The following COL5A1 variants were observed in gnomAD, a reference collection of about 807,000 sequenced individuals.
COL5A1 encodes the protein collagen alpha-1(V) chain.
Under a neutral mutation model 263.7 loss-of-function variants are expected in COL5A1, and 16 were observed. The observed-to-expected ratio is 0.06, with a 90% CI of 0.04 to 0.09. The LOEUF is 0.09. Among genes scored for constraint, COL5A1 ranks in the 10% least tolerant of loss-of-function variants. COL5A1 has a pLI of 1.00. For missense variants in COL5A1, 2,036 were observed against 2,540.5 expected, an observed-to-expected ratio of 0.80 and a Z score of 4.27; for synonymous variants, 1,012 against 1,004.5, an observed-to-expected ratio of 1.01 and a Z score of -0.14.
At chr9:134,710,196 C>A (rs760037506) in intron 4 of COL5A1, among the ~76,000 whole-genome samples, 1 of 152,204 alleles carries the variant, frequency 6.6e-6, no homozygotes, top group African/African-American at 2.4e-5. Flanking sequence ...AAAGCCGGTG[C>A]GGCCCGCCCC....
At chr9:134,788,684 G>T (rs1027410894) in intron 31 of COL5A1, among the ~76,000 whole-genome samples, 1 of 149,008 alleles carries the variant, frequency 6.7e-6, no homozygotes, top group African/African-American at 2.6e-5. Flanking sequence ...TGGATAGACA[G>T]ATAGGTGGGC....
At position 134,766,462 on chromosome 9, in the gene COL5A1, G is replaced by T. The variant is rs368590323; in HGVS notation, c.2097G>T (p.Thr699=). 1 of 1,614,144 alleles carries T rather than the reference G, an allele frequency of 6.2e-7. No homozygotes were observed. ...CTTAAAATCGTACACAGGGTGTCAC[G>T]GGTATGGACGGCCAGCCGGGGCCAA... is the stretch of plus-strand genomic sequence containing the variant. The part of the protein sequence containing the change: ...PPGPPGPPGV[T]GMDGQPGPKG... The change falls in exon 22 of 66, where the codon ACG becomes ACT. Residue 699 remains threonine, a synonymous_variant. Transcript: ENST00000371817.
intron 18 of COL5A1, among the ~76,000 whole-genome samples, chr9:134,760,633 C>T (rs1196057784): frequency 2.6e-5 from 3 of 116,788 alleles, no homozygotes; most frequent in African/African-American, 1.2e-4. Flanking sequence ...CCACACACCC[C>T]CACACTCATA....
intron 19 of COL5A1, 148 bp from the exon 20 acceptor site, chr9:134,763,545 C>T: frequency 1.2e-6 from 1 of 819,124 alleles, no homozygotes; most frequent in Non-Finnish European, 2.1e-6. Context: ...CGAGGACATT[C>T]CAGGCCTTTC....
At chr9:134,687,320 C>G (rs548307585) in intron 1 of COL5A1, among the ~76,000 whole-genome samples, 1 of 152,304 alleles carries the variant, frequency 6.6e-6, no homozygotes, top group Non-Finnish European at 1.5e-5. Flanking sequence ...TAGTTTTTAG[C>G]TCCCCAGACT....
intron 31 of COL5A1, among the ~76,000 whole-genome samples, chr9:134,787,223 C>T (rs1837492930): frequency 6.6e-6 from 1 of 152,164 alleles, no homozygotes. Flanking sequence ...AAATCAAGTC[C>T]AGGCAACTTT....
chr9:134,735,225 A>T (rs949142352), intron 9 of COL5A1, among the ~76,000 whole-genome samples: 1 of 143,106 alleles, frequency 7.0e-6, no homozygotes, highest in Non-Finnish European at 1.5e-5. Context: ...AAAAAAAAAA[A>T]TTGTGTGCAT....
chr9:134,782,238 G>A (rs1195790406), intron 28 of COL5A1, among the ~76,000 whole-genome samples: 1 of 152,206 alleles, frequency 6.6e-6, no homozygotes, highest in South Asian at 2.1e-4. Flanking sequence ...GCAAGAGCAG[G>A]CGTTAGGGAT....
chr9:134,819,169 G>A, intron 57 of COL5A1, 116 bp downstream of exon 57: 1 of 1,130,238 alleles, frequency 8.8e-7, no homozygotes, highest in South Asian at 1.3e-5. Context: ...AGCACCTGCT[G>A]CAGGCTGGTG....
rs3124932 is a variant in COL5A1 at position 134,780,166 on chromosome 9, C to T, written c.2430+20C>T. 0.44 allele frequency: 707,894 copies of T among 1,611,542 alleles called. 163,758 individuals carry two copies. The highest frequency in any genetic ancestry group is 0.49 in the Admixed American group (29,102 of 59,986). On this transcript the variant is annotated intron_variant, in intron 28 of 65. Transcript: ENST00000371817. ...GAGAAGGTAAGTCTCTCCTTGCAGC[C>T]ACGGGGCCCCCTGCTTAGTCCGGAG...
At chr9:134,820,336 C>T (rs890220875) in intron 58 of COL5A1, 113 bp downstream of exon 58, 35 of 781,446 alleles carry the variant, frequency 4.5e-5, no homozygotes, top group Admixed American at 1.6e-4. Context: ...GTCCACACGT[C>T]GGTTGAGTCC....
chr9:134,734,149 G>A (rs367968674), intron 9 of COL5A1, among the ~76,000 whole-genome samples: 2 of 152,172 alleles, frequency 1.3e-5, no homozygotes, highest in East Asian at 1.9e-4. Flanking sequence ...GTTTTCCACT[G>A]CCAGGCACCC....
rs562918848 is a variant in COL5A1, at chr9:134,723,831, G to A, written c.655-3435G>A. Reference sequence around the variant, plus strand: ...GATGTGTGGCTGAAGTCAGGAGCAGGAACTTACCACCTGGCAGAGCTGCTG... The same window carrying A: ...GATGTGTGGCTGAAGTCAGGAGCAGAAACTTACCACCTGGCAGAGCTGCTG... On this transcript the variant is annotated intron_variant, in intron 4 of 65. Transcript: ENST00000371817. 9.3e-4 allele frequency among the ~76,000 whole-genome samples: 141 copies of A among 152,322 alleles called. 1 individual carries two copies. In the South Asian group the frequency reaches 0.014, roughly 15 times the overall value.
chr9:134,663,722 C>T (rs2132501315), intron 1 of COL5A1, among the ~76,000 whole-genome samples: 1 of 152,306 alleles, frequency 6.6e-6, no homozygotes, highest in East Asian at 1.9e-4. Context: ...CTAGACCATC[C>T]CTAGGCCTCT....
At chr9:134,752,191 G>A (rs146255511) in intron 13 of COL5A1, among the ~76,000 whole-genome samples, 139 of 152,328 alleles carry the variant, frequency 9.1e-4, no homozygotes, top group Middle Eastern at 3.4e-3. Context: ...AATATGTCAT[G>A]ACTCAGCTTG....
intron 42 of COL5A1, among the ~76,000 whole-genome samples, chr9:134,808,734 G>A (rs1242322162): frequency 6.6e-6 from 1 of 152,184 alleles, no homozygotes; most frequent in Admixed American, 6.5e-5. Context: ...GCATGTCCTT[G>A]TGTGTGTGTG....
intron 4 of COL5A1, among the ~76,000 whole-genome samples, chr9:134,727,001 GTGGA>G (rs573333833): frequency 2.5e-3 from 370 of 149,104 alleles, no homozygotes; most frequent in Non-Finnish European, 2.9e-3. Context: ...GAACGAATGA[GTGGA>G]TGGATGGATG....
chr9:134,828,633 ACAC>A, intron 63 of COL5A1, among the ~76,000 whole-genome samples: 2 of 150,684 alleles, frequency 1.3e-5, no homozygotes, highest in African/African-American at 5.0e-5. Flanking sequence ...CATACCACAC[ACAC>A]GATAAACACC....
chr9:134,812,595 CT>C lies in COL5A1; in HGVS notation c.3745-6del. On this transcript the variant is annotated splice_polypyrimidine_tract_variant and intron_variant, in intron 47 of 65. Transcript: ENST00000371817. ...TTCCTCTGGGCTCAGTGGTCTCTCC[CT>C]TTTCCTAGGGCCCCCCGGGTCCCCC... 1 of 1,609,794 alleles carries C rather than the reference CT, an allele frequency of 6.2e-7. No homozygotes were observed. The highest frequency in any genetic ancestry group is 8.5e-7 in the Non-Finnish European group (1 of 1,177,384).
Sources: gnomAD v4.1 joint callset for allele counts (sites outside exome capture counted in the v4.1 genomes callset) on GRCh38, gnomAD v4.1.1 for gene constraint, MANE v1.5 for transcripts, NCBI Gene and HGNC (gene_info 2026-07-23, HGNC 2026-07-21) for gene names.